The following WDR20 variants were observed in gnomAD, a reference collection of about 807,000 sequenced individuals.
WDR20 encodes the protein WD repeat domain 20, also known as WD repeat-containing protein 20.
Under a neutral mutation model 38.7 loss-of-function variants are expected in WDR20, and 3 were observed. The observed-to-expected ratio is 0.08, with a 90% CI of 0.04 to 0.20. WDR20 has a LOEUF of 0.20. Among genes scored for constraint, WDR20 ranks in the 10% least tolerant of loss-of-function variants. The pLI is 1.00. For synonymous variants in WDR20, 298 were observed against 285.6 expected (o/e 1.04, Z -0.44); for missense variants, 559 against 727.7 (o/e 0.77, Z 2.67).
exon 4 of WDR20, chr14:102,223,059 C>T (rs1371524417): frequency 3.3e-6 from 2 of 610,526 alleles, no homozygotes; most frequent in African/African-American, 3.8e-5. Flanking sequence ...CGCTGCTCAC[C>T]CAAAGAAGTT....
At chr14:102,212,944 C>A, downstream of WDR20, 1 of 1,041,858 alleles carries the variant, frequency 9.6e-7, no homozygotes, top group South Asian at 3.5e-5. Context: ...ACTGTTCCAG[C>A]GTGTACCAAA....
chr14:102,217,940 C>T (rs1259975195), downstream of WDR20, among the ~76,000 whole-genome samples: 1 of 152,220 alleles, frequency 6.6e-6, no homozygotes, highest in Non-Finnish European at 1.5e-5. Context: ...CCACAGAGGC[C>T]AGCATTGGAG....
intron 2 of WDR20, among the ~76,000 whole-genome samples, chr14:102,199,605 A>G (rs950820716): frequency 1.3e-5 from 2 of 152,160 alleles, no homozygotes; most frequent in African/African-American, 4.8e-5. Context: ...CCCACCTGTT[A>G]CCACACGTGC....
chr14:102,150,470 C>CA (rs1300614889), intron 1 of WDR20, among the ~76,000 whole-genome samples: 3 of 151,638 alleles, frequency 2.0e-5, no homozygotes, highest in African/African-American at 2.4e-5. Context: ...GAGACCATCT[C>CA]AAAAAAAAGT....
At chr14:102,214,098 G>T, downstream of WDR20, 2 of 985,588 alleles carry the variant, frequency 2.0e-6, no homozygotes, top group Non-Finnish European at 2.4e-6. Context: ...CGGTCGGTGT[G>T]CCCTTGGCTG....
chr14:102,208,919 A>T lies in WDR20; in HGVS notation c.749A>T (p.Asp250Val). 6.2e-7 allele frequency: 1 copy of T among 1,613,984 alleles called. No individual in the cohort carries two copies. ...QDGFLRVFNF[D>V]SVELHGTMKS... ...GGGTTTCTGCGGGTGTTCAACTTTG[A>T]CTCAGTGGAGCTGCACGGTACGATG... The change falls in exon 3 of 3, where the codon GAC becomes GTC. Residue 250 changes from aspartate to valine, a missense_variant. By Grantham distance (152) the Asp-to-Val change is radical. Transcript: ENST00000342702. This position sits in a 1 kb window ranked among gnomAD's most constrained non-coding sequence, Gnocchi z 5.6.
At chr14:102,150,187 A>C (rs1377334189) in intron 1 of WDR20, among the ~76,000 whole-genome samples, 1 of 152,218 alleles carries the variant, frequency 6.6e-6, no homozygotes, top group African/African-American at 2.4e-5. Flanking sequence ...CAAAGTAAGA[A>C]TCAGGCCTGG....
intron 1 of WDR20, among the ~76,000 whole-genome samples, chr14:102,149,513 C>T (rs2152710921): frequency 6.6e-6 from 1 of 152,282 alleles, no homozygotes; most frequent in African/African-American, 2.4e-5. Context: ...GTGTGCAGAT[C>T]ATATTTTTTA....
At chr14:102,187,401 A>T (rs2065094799) in intron 1 of WDR20, among the ~76,000 whole-genome samples, 1 of 142,770 alleles carries the variant, frequency 7.0e-6, no homozygotes, top group Non-Finnish European at 1.5e-5. Context: ...AGAATGTCAC[A>T]CATAGGCTGG....
downstream of WDR20, among the ~76,000 whole-genome samples, chr14:102,217,713 T>C (rs1260316065): frequency 6.6e-6 from 1 of 152,202 alleles, no homozygotes; most frequent in African/African-American, 2.4e-5. Context: ...CAGGTTTGCT[T>C]TGGTTCCTTT....
chr14:102,212,172 T>C (rs917509245), downstream of WDR20, among the ~76,000 whole-genome samples: 3 of 152,226 alleles, frequency 2.0e-5, no homozygotes, highest in African/African-American at 7.2e-5. Flanking sequence ...TGGAGGCCTG[T>C]GTGTGTCTTT....
chr14:102,218,730 G>C (rs1330221066), downstream of WDR20, among the ~76,000 whole-genome samples: 1 of 151,982 alleles, frequency 6.6e-6, no homozygotes, highest in Non-Finnish European at 1.5e-5. Context: ...ACTAATATTA[G>C]AGCCAAGGCT....
intron 1 of WDR20, 29 bp from the exon 2 acceptor site, chr14:102,194,909 C>T (rs2059164224): frequency 1.2e-6 from 2 of 1,607,210 alleles, no homozygotes; most frequent in Non-Finnish European, 8.5e-7. Context: ...GTGCTGTTTA[C>T]TGTATGTATT....
chr14:102,152,420 CTTT>C (rs35441566), intron 1 of WDR20, among the ~76,000 whole-genome samples: 2 of 145,226 alleles, frequency 1.4e-5, no homozygotes, highest in Non-Finnish European at 3.0e-5. Context: ...CAGGGTCTCT[CTTT>C]TTTTTTTTTT....
rs74378998 is a variant in WDR20 at position 102,194,326 on chromosome 14, G to A, written c.250-612G>A. Among the ~76,000 whole-genome samples the A allele has an allele frequency of 6.5e-3, 992 of 152,308 alleles. 10 individuals carry two copies. The highest frequency in any genetic ancestry group is 0.023 in the African/African-American group (947 of 41,552). ...AGGAAGGGAGCCACCTGTATAGAGT[G>A]GGCTCCAGCAGTGGTTCTTAGACTT... is the stretch of plus-strand genomic sequence containing the variant. On this transcript the variant is annotated intron_variant, in intron 1 of 2. Transcript: ENST00000342702.
At chr14:102,190,988 G>A (rs1477549895) in intron 1 of WDR20, among the ~76,000 whole-genome samples, 1 of 149,032 alleles carries the variant, frequency 6.7e-6, no homozygotes, top group African/African-American at 2.5e-5. Context: ...GCAACAGAGC[G>A]AGACTCTATC....
At chr14:102,148,701 G>A (rs868368499) in intron 1 of WDR20, among the ~76,000 whole-genome samples, 1 of 114,460 alleles carries the variant, frequency 8.7e-6, no homozygotes, top group African/African-American at 2.7e-5. Context: ...GTGTGTGTGT[G>A]TGTGTGTTTG....
At chr14:102,192,190 T>G (rs2058621450) in intron 1 of WDR20, among the ~76,000 whole-genome samples, 1 of 151,986 alleles carries the variant, frequency 6.6e-6, no homozygotes, top group East Asian at 1.9e-4. Flanking sequence ...AATTTTTTTT[T>G]TTTTTTTGAG....
intron 1 of WDR20, among the ~76,000 whole-genome samples, chr14:102,180,412 C>T (rs1482728467): frequency 6.6e-6 from 1 of 152,168 alleles, no homozygotes; most frequent in Non-Finnish European, 1.5e-5. Flanking sequence ...GTGTCTTGCA[C>T]GTTTTCAACC....
Sources: gnomAD v4.1 joint callset for allele counts (sites outside exome capture counted in the v4.1 genomes callset) on GRCh38, gnomAD v4.1.1 for gene constraint, Gnocchi (gnomAD v3.1) non-coding constraint, MANE v1.5 for transcripts, NCBI Gene and HGNC (gene_info 2026-07-23, HGNC 2026-07-21) for gene names.